Variants in LSAMP observed in about 807,000 individuals in gnomAD.
The protein encoded by LSAMP is limbic system associated membrane protein.
Under a neutral mutation model 38.6 loss-of-function variants are expected in LSAMP, and 7 were observed. That is an observed-to-expected ratio of 0.18 (90% CI 0.10 to 0.34). The LOEUF (loss-of-function observed/expected upper bound fraction) is 0.34. LSAMP is among the 10% of genes least tolerant of loss of function. LSAMP has a pLI of 1.00. For synonymous variants in LSAMP, 154 were observed against 166.8 expected, an observed-to-expected ratio of 0.92 and a Z score of 0.59; for missense variants, 313 against 420.0, an observed-to-expected ratio of 0.75 and a Z score of 2.23.
In LSAMP at chr3:116,416,574, C is replaced by A. The variant is rs943597765; in HGVS notation, c.155+28303G>T. 3.3e-5 allele frequency among the ~76,000 whole-genome samples: 5 copies of A among 152,308 alleles called. 1 individual carries two copies. The highest frequency in any genetic ancestry group is 1.2e-4 in the African/African-American group (5 of 41,582). On this transcript the variant is annotated intron_variant, in intron 1 of 6. Coordinates refer to ENST00000490035, the MANE Select transcript of LSAMP (RefSeq NM_002338.5). The stretch of plus-strand genomic sequence containing the variant: ...ACAAACTACCTCAAAACACCACATT[C>A]TTTCATGCTTACTTTTGGAATGCTC...
chr3:116,133,073 T>A (rs887537872), intron 1 of LSAMP, among the ~76,000 whole-genome samples: 5 of 152,190 alleles, frequency 3.3e-5, no homozygotes, highest in African/African-American at 1.2e-4. Context: ...GAAACAGACA[T>A]TTTCATAACA....
At chr3:116,284,452 T>A (rs560608180) in intron 1 of LSAMP, among the ~76,000 whole-genome samples, 23 of 152,324 alleles carry the variant, frequency 1.5e-4, no homozygotes, top group African/African-American at 5.3e-4. Context: ...GGCATGCAAT[T>A]TGCTAGTAAT....
chr3:116,279,229 A>G (rs887808443), intron 1 of LSAMP, among the ~76,000 whole-genome samples: 3 of 152,184 alleles, frequency 2.0e-5, no homozygotes, highest in African/African-American at 7.2e-5. Context: ...AACAATACAT[A>G]TCACTTCTTA....
At chr3:115,995,409 T>C (rs1576292041) in intron 3 of LSAMP, among the ~76,000 whole-genome samples, 1 of 152,102 alleles carries the variant, frequency 6.6e-6, no homozygotes, top group Non-Finnish European at 1.5e-5. Flanking sequence ...GAATACTGCA[T>C]GGCACACTGA....
intron 3 of LSAMP, among the ~76,000 whole-genome samples, chr3:115,959,154 C>T (rs1938547582): frequency 6.6e-6 from 1 of 152,138 alleles, no homozygotes; most frequent in East Asian, 1.9e-4. Flanking sequence ...TATTTCTTTT[C>T]TCACTGTTAC....
At chr3:116,269,342 CATATT>C (rs142271939) in intron 1 of LSAMP, among the ~76,000 whole-genome samples, 191 of 151,778 alleles carry the variant, frequency 1.3e-3, no homozygotes, top group African/African-American at 4.3e-3. Context: ...ATGCAACACA[CATATT>C]ATATACCCTG....
chr3:116,404,500 A>T (rs1459300594), intron 1 of LSAMP, among the ~76,000 whole-genome samples: 1 of 152,126 alleles, frequency 6.6e-6, no homozygotes. Flanking sequence ...TTAACAGATT[A>T]ATGATGGATG....
At chr3:115,815,079 C>T (rs1933972795) in intron 6 of LSAMP, among the ~76,000 whole-genome samples, 1 of 152,118 alleles carries the variant, frequency 6.6e-6, no homozygotes, top group Admixed American at 6.6e-5. Context: ...CCCCCCTTAT[C>T]AGTGGCTTTG....
At chr3:115,964,400 A>C (rs1467414887) in intron 3 of LSAMP, among the ~76,000 whole-genome samples, 1 of 152,152 alleles carries the variant, frequency 6.6e-6, no homozygotes, top group African/African-American at 2.4e-5. Context: ...ATATATACAG[A>C]AGTACATCCA....
At chr3:116,009,006 C>G (rs1040201253) in intron 3 of LSAMP, among the ~76,000 whole-genome samples, 1 of 152,206 alleles carries the variant, frequency 6.6e-6, no homozygotes, top group Non-Finnish European at 1.5e-5. Flanking sequence ...TTCTGATAGT[C>G]AGAGTCCAAC....
intron 1 of LSAMP, among the ~76,000 whole-genome samples, chr3:116,217,444 A>T (rs1196344273): frequency 6.6e-6 from 1 of 152,228 alleles, no homozygotes; most frequent in East Asian, 1.9e-4. Context: ...ATCCAGTTTC[A>T]TGGTTTGTTT....
Position 115,987,390 on chromosome 3 carries a change from G to A in LSAMP, c.514+32125C>T, listed in dbSNP as rs77534303. On this transcript the variant is annotated intron_variant, in intron 3 of 6. Transcript: ENST00000490035. ...TGTTTTTCCAATGGCAGAGCTGCAA[G>A]TTAGAGAAGAATGATACATACAGGA... Among the ~76,000 whole-genome samples the A allele has an allele frequency of 7.1e-3, 1,083 of 152,268 alleles. 19 individuals are homozygous for A. Among genetic ancestry groups the A allele is most frequent in the African/African-American group, 0.025 (1,033 of 41,550 alleles).
chr3:116,299,120 A>G (rs1302370354), intron 1 of LSAMP, among the ~76,000 whole-genome samples: 1 of 152,190 alleles, frequency 6.6e-6, no homozygotes, highest in Non-Finnish European at 1.5e-5. Flanking sequence ...TTCACCATTT[A>G]AGTATTCTGC....
intron 2 of LSAMP, among the ~76,000 whole-genome samples, chr3:116,024,043 C>A (rs927461815): frequency 3.9e-5 from 6 of 152,200 alleles, no homozygotes; most frequent in Non-Finnish European, 7.3e-5. Flanking sequence ...TCATTCCCCA[C>A]CCTGCCTCCC....
chr3:115,990,328 T>C (rs1346086793), intron 3 of LSAMP, among the ~76,000 whole-genome samples: 1 of 152,042 alleles, frequency 6.6e-6, no homozygotes, highest in Admixed American at 6.6e-5. Context: ...GAGGAACCAT[T>C]TAACGCCCAA....
chr3:115,944,896 G>C (rs1938045419), intron 3 of LSAMP, among the ~76,000 whole-genome samples: 1 of 152,086 alleles, frequency 6.6e-6, no homozygotes, highest in African/African-American at 2.4e-5. Context: ...CAGTTTATTT[G>C]TGCCACCCAA....
chr3:116,348,193 T>C (rs1158433275), intron 1 of LSAMP, among the ~76,000 whole-genome samples: 1 of 152,090 alleles, frequency 6.6e-6, no homozygotes, highest in East Asian at 1.9e-4. Flanking sequence ...TTGGTCTCAT[T>C]TCTCATTCAC....
Position 116,286,029 on chromosome 3 carries a change from C to A in LSAMP, c.155+158848G>T, listed in dbSNP as rs887628215. ...TGGGGGAGCCAGTCTAGGTCTGAGA[C>A]AAAACCCAGAGGACTTAACTGCAGA... On this transcript the variant is annotated intron_variant, in intron 1 of 6. Transcript: ENST00000490035. Among the ~76,000 whole-genome samples the A allele has an allele frequency of 1.3e-5, 2 of 152,218 alleles. 1 individual carries two copies. Among genetic ancestry groups the A allele is most frequent in the South Asian group, 4.1e-4 (2 of 4,834 alleles).
At chr3:116,184,677 C>T (rs1478165738) in intron 1 of LSAMP, among the ~76,000 whole-genome samples, 1 of 151,936 alleles carries the variant, frequency 6.6e-6, no homozygotes, top group African/African-American at 2.4e-5. Context: ...CTAACAGACT[C>T]AGTTAACTGA....
Sources: gnomAD v4.1 joint callset for allele counts (sites outside exome capture counted in the v4.1 genomes callset) on GRCh38, gnomAD v4.1.1 for gene constraint, MANE v1.5 for transcripts, NCBI Gene and HGNC (gene_info 2026-07-23, HGNC 2026-07-21) for gene names.